Variants in COG6 observed in about 807,000 individuals in gnomAD.
The protein encoded by COG6 is component of oligomeric golgi complex 6.
COG6 carries 74 observed loss-of-function variants against 88.8 expected under a neutral mutation model. The ratio of observed to expected loss-of-function variants is 0.83; its 90% CI spans 0.69 to 1.01. The LOEUF (loss-of-function observed/expected upper bound fraction) is 1.01, where lower values mean the gene tolerates loss of function less well. Among genes scored for constraint, COG6 ranks in the 50% least tolerant of loss-of-function variants. COG6 has a pLI of 0.00. For missense variants in COG6, 800 were observed against 797.9 expected (o/e 1.00, Z -0.03); for synonymous variants, 286 against 278.7 (o/e 1.03, Z -0.26).
chr13:39,745,828 C>A (rs1593469417), intron 18 of COG6, among the ~76,000 whole-genome samples: 1 of 152,216 alleles, frequency 6.6e-6, no homozygotes, highest in African/African-American at 2.4e-5. Flanking sequence ...GACTTGGAAC[C>A]AACCCAAATG....
chr13:39,660,705 C>A (rs1366917223), intron 2 of COG6, 105 bp from the exon 3 acceptor site: 3 of 782,668 alleles, frequency 3.8e-6, no homozygotes, highest in Non-Finnish European at 6.5e-6. Context: ...ATGCCTTGAC[C>A]AAAAAAATAA....
chr13:39,699,236 T>C (rs1013852473), intron 12 of COG6, among the ~76,000 whole-genome samples: 4 of 151,762 alleles, frequency 2.6e-5, no homozygotes, highest in Admixed American at 2.6e-4. Context: ...ATCACAAATA[T>C]CTGTTCTGAC....
At chr13:39,714,775 C>T (rs1878433423) in intron 13 of COG6, among the ~76,000 whole-genome samples, 1 of 152,112 alleles carries the variant, frequency 6.6e-6, no homozygotes, top group African/African-American at 2.4e-5. Context: ...GGTATCTACC[C>T]AAAGGAATAG....
At chr13:39,762,767 T>C (rs190403910) in intron 18 of COG6, among the ~76,000 whole-genome samples, 1 of 151,142 alleles carries the variant, frequency 6.6e-6, no homozygotes, top group Non-Finnish European at 1.5e-5. Context: ...AAGAGTTTTT[T>C]TTTTTTTTTT....
intron 12 of COG6, among the ~76,000 whole-genome samples, chr13:39,694,966 C>CGT (rs1279578572): frequency 3.3e-5 from 5 of 150,170 alleles, no homozygotes; most frequent in Non-Finnish European, 7.4e-5. Flanking sequence ...CACACACACA[C>CGT]ACACACACAC....
chr13:39,674,750 G>T (rs1875858179), intron 4 of COG6, among the ~76,000 whole-genome samples: 1 of 152,072 alleles, frequency 6.6e-6, no homozygotes, highest in Non-Finnish European at 1.5e-5. Flanking sequence ...TCCCACTTTG[G>T]TGGGACATCA....
At chr13:39,745,060 C>T (rs1593468805) in intron 18 of COG6, among the ~76,000 whole-genome samples, 1 of 152,170 alleles carries the variant, frequency 6.6e-6, no homozygotes, top group East Asian at 1.9e-4. Flanking sequence ...GAACCTGGAT[C>T]CCTTCCTTAC....
At chr13:39,712,890 T>A (rs562858110) in intron 13 of COG6, among the ~76,000 whole-genome samples, 87 of 152,190 alleles carry the variant, frequency 5.7e-4, no homozygotes, top group Non-Finnish European at 1.1e-3. Context: ...CAACGTCAGG[T>A]TACAACTCTA....
At chr13:39,694,941 A>G (rs1014952909) in intron 12 of COG6, among the ~76,000 whole-genome samples, 2 of 139,240 alleles carry the variant, frequency 1.4e-5, no homozygotes, top group African/African-American at 5.4e-5. Flanking sequence ...TTTTTTCTCC[A>G]AGCTTAACTA....
At position 39,750,901 on chromosome 13, in the gene COG6, A is replaced by T. The variant is rs367803589; in HGVS notation, c.1827-45A>T. On this transcript the variant is annotated intron_variant, in intron 18 of 18. Transcript: ENST00000455146. ...CTGTCTTACAATTCTTAGTAAATAT[A>T]TTTTTTTCAAATGATGTGTTTACAT... The T allele has an allele frequency of 5.0e-4, 737 of 1,473,512 alleles. 3 individuals are homozygous for T. The highest frequency in any genetic ancestry group is 5.3e-4 in the Non-Finnish European group (555 of 1,056,642). The allele number at this position is 1,473,512 out of a possible 1,614,324, so 91.3% of individuals were successfully genotyped here. A position where few individuals can be genotyped will look rare whatever the true frequency, so the allele number is the denominator to read the frequency against.
chr13:39,744,747 A>C (rs1299526907), intron 18 of COG6, among the ~76,000 whole-genome samples: 2 of 152,190 alleles, frequency 1.3e-5, no homozygotes, highest in Non-Finnish European at 2.9e-5. Context: ...TGGAAAAAAA[A>C]CTACTTTAAA....
intron 7 of COG6, among the ~76,000 whole-genome samples, chr13:39,680,669 G>A (rs1029081474): frequency 2.6e-5 from 4 of 152,200 alleles, no homozygotes; most frequent in African/African-American, 9.6e-5. Context: ...TGAGGTCTGT[G>A]TTTCCTTGCT....
chr13:39,710,910 T>A (rs552654370), intron 13 of COG6, among the ~76,000 whole-genome samples: 1 of 152,190 alleles, frequency 6.6e-6, no homozygotes, highest in Admixed American at 6.5e-5. Context: ...CATATAATGC[T>A]AATTTCTGTC....
chr13:39,752,567 T>C lies in COG6; in HGVS notation c.*1474T>C, dbSNP rs769670932. ...ACCTTGCTATGAGTGAATTCCTTTG[T>C]TTTATAGGGAAAATTTATTGTGCTT... On this transcript the variant is annotated 3_prime_UTR_variant, in exon 19 of 19. Coordinates refer to ENST00000455146, the MANE Select transcript of COG6 (RefSeq NM_020751.3). The C allele has an allele frequency of 1.6e-6, 2 of 1,256,432 alleles. No individual in the cohort carries two copies. Among genetic ancestry groups the C allele is most frequent in the South Asian group, 2.6e-5 (2 of 77,406 alleles). The allele number at this position is 1,256,432 out of a possible 1,614,324, so 77.8% of individuals were successfully genotyped here. A position where few individuals can be genotyped will look rare whatever the true frequency, so the allele number is the denominator to read the frequency against.
intron 6 of COG6, 111 bp downstream of exon 6, chr13:39,679,731 T>A (rs1038847260): frequency 1.2e-5 from 9 of 763,246 alleles, no homozygotes; most frequent in Admixed American, 6.0e-5. Context: ...AGAAGTTTAA[T>A]CTTTATTTAT....
chr13:39,694,990 C>CA (rs566359455), intron 12 of COG6, among the ~76,000 whole-genome samples: 6 of 147,030 alleles, frequency 4.1e-5, no homozygotes, highest in African/African-American at 1.2e-4. Context: ...CACACACACA[C>CA]CCCTTATATA....
At chr13:39,722,794 C>T (rs1878918564) in intron 15 of COG6, among the ~76,000 whole-genome samples, 1 of 152,012 alleles carries the variant, frequency 6.6e-6, no homozygotes, top group Non-Finnish European at 1.5e-5. Flanking sequence ...TTAGGCAGTT[C>T]CTGAACCTGA....
intron 3 of COG6, among the ~76,000 whole-genome samples, chr13:39,664,300 A>G (rs532996427): frequency 3.8e-4 from 58 of 152,280 alleles, no homozygotes; most frequent in African/African-American, 1.3e-3. Flanking sequence ...GACTTAATTT[A>G]TGCATCTTTC....
chr13:39,682,052 T>C, intron 7 of COG6, 119 bp from the exon 8 acceptor site: 1 of 726,430 alleles, frequency 1.4e-6, no homozygotes, highest in Non-Finnish European at 2.4e-6. Flanking sequence ...TCTCTAGGTT[T>C]TTCTGAGGAT....
Sources: gnomAD v4.1 joint callset for allele counts (sites outside exome capture counted in the v4.1 genomes callset) on GRCh38, gnomAD v4.1.1 for gene constraint, MANE v1.5 for transcripts, NCBI Gene and HGNC (gene_info 2026-07-23, HGNC 2026-07-21) for gene names.